The following DSE variants were observed in gnomAD, a reference collection of about 807,000 sequenced individuals.
DSE encodes dermatan-sulfate epimerase.
Under a neutral mutation model 84.4 loss-of-function variants are expected in DSE, and 36 were observed. The ratio of observed to expected loss-of-function variants is 0.43; its 90% CI spans 0.33 to 0.56. The LOEUF is 0.56. DSE is among the 20% of genes least tolerant of loss of function. The pLI is 0.06. For missense variants in DSE, 862 were observed against 1,169.6 expected, an observed-to-expected ratio of 0.74 and a Z score of 3.84; for synonymous variants, 410 against 430.1, an observed-to-expected ratio of 0.95 and a Z score of 0.58.
intron 2 of DSE, among the ~76,000 whole-genome samples, chr6:116,297,314 T>C (rs1774732632): frequency 6.6e-6 from 1 of 152,120 alleles, no homozygotes; most frequent in South Asian, 2.1e-4. Context: ...CAATTCATGT[T>C]CTACACCATC....
At chr6:116,393,290 A>G (rs1402208717) in intron 1 of DSE, among the ~76,000 whole-genome samples, 3 of 152,304 alleles carry the variant, frequency 2.0e-5, no homozygotes, top group Non-Finnish European at 2.9e-5. Flanking sequence ...TTTCCTTTCC[A>G]GTGAGTGATG....
chr6:116,284,783 C>T (rs1461375600), intron 2 of DSE, among the ~76,000 whole-genome samples: 4 of 150,866 alleles, frequency 2.7e-5, no homozygotes, highest in Non-Finnish European at 4.4e-5. Context: ...GGTTTTCTGT[C>T]CTTGCAATAG....
chr6:116,339,007 G>C (rs78046565), intron 2 of DSE, among the ~76,000 whole-genome samples: 1 of 152,230 alleles, frequency 6.6e-6, no homozygotes, highest in Non-Finnish European at 1.5e-5. Flanking sequence ...TGCGCCCTGT[G>C]CTAGAAGCTC....
chr6:116,323,585 C>G (rs1350433851), intron 2 of DSE, among the ~76,000 whole-genome samples: 1 of 152,044 alleles, frequency 6.6e-6, no homozygotes, highest in Non-Finnish European at 1.5e-5. Context: ...TTATTATGAT[C>G]TATTTTACTC....
At chr6:116,257,207 T>A (rs1208556286) in intron 1 of DSE, 1 of 152,188 alleles carries the variant, frequency 6.6e-6, no homozygotes, top group East Asian at 1.9e-4. Context: ...CTCATTTAAT[T>A]TTTACAAGGA....
intron 1 of DSE, among the ~76,000 whole-genome samples, chr6:116,387,708 A>G (rs1780655389): frequency 6.6e-6 from 1 of 152,194 alleles, no homozygotes; most frequent in Admixed American, 6.5e-5. Flanking sequence ...TTCCTCATCT[A>G]TTTCCAACAA....
chr6:116,300,445 G>C (rs7763697), intron 2 of DSE, among the ~76,000 whole-genome samples: 1 of 152,048 alleles, frequency 6.6e-6, no homozygotes, highest in Non-Finnish European at 1.5e-5. Context: ...ATTTTATCCT[G>C]CTTGTTGATA....
At chr6:116,378,698 G>A (rs531797107) in intron 1 of DSE, among the ~76,000 whole-genome samples, 3 of 152,210 alleles carry the variant, frequency 2.0e-5, no homozygotes, top group African/African-American at 7.2e-5. Context: ...TATGCATCAT[G>A]TAGTGATTGT....
At chr6:116,292,002 T>G (rs1774311161) in intron 2 of DSE, among the ~76,000 whole-genome samples, 1 of 152,058 alleles carries the variant, frequency 6.6e-6, no homozygotes, top group Admixed American at 6.6e-5. Context: ...CAAGGAGAGT[T>G]TCATGTGACT....
rs1281257030 is a variant in DSE at position 116,436,359 on chromosome 6, G to T, written c.1891G>T (p.Ala631Ser). 1 of 1,614,036 alleles carries T rather than the reference G, an allele frequency of 6.2e-7. No individual in the cohort carries two copies. Among genetic ancestry groups the T allele is most frequent in the Non-Finnish European group, 8.5e-7 (1 of 1,180,032 alleles). ...DTGYSEKATF[A>S]SVTYPRGYPY... The stretch of plus-strand genomic sequence containing the variant: ...TGGCTACAGCGAGAAAGCAACCTTT[G>T]CCTCAGTGACATATCCTCGGGGCTA... Residue 631 changes from alanine (A) to serine (S), a missense_variant, in exon 6 of 6, where the codon GCC (alanine) becomes TCC (serine). Physicochemically the swap from Ala to Ser is moderately conservative, Grantham distance 99. Coordinates refer to ENST00000644252, the MANE Select transcript of DSE (RefSeq NM_013352.4).
intron 1 of DSE, among the ~76,000 whole-genome samples, chr6:116,388,446 C>A (rs1780695394): frequency 6.6e-6 from 1 of 152,202 alleles, no homozygotes; most frequent in African/African-American, 2.4e-5. Flanking sequence ...TGACCAAATA[C>A]TTGTGTACCC....
At chr6:116,386,255 G>A (rs985321032) in intron 1 of DSE, among the ~76,000 whole-genome samples, 5 of 152,172 alleles carry the variant, frequency 3.3e-5, no homozygotes, top group African/African-American at 1.2e-4. Flanking sequence ...AAGTATTATG[G>A]CAAGCTACTC....
In DSE at chr6:116,437,154, C is replaced by T; in HGVS notation, c.2686C>T (p.Leu896=). 6.2e-7 allele frequency: 1 copy of T among 1,614,166 alleles called. No homozygotes were observed. The highest frequency in any genetic ancestry group is 8.5e-7 in the Non-Finnish European group (1 of 1,180,000). ...VTTTHSRAPS[L]SASYTRLFLI... The stretch of plus-strand genomic sequence containing the variant: ...AACTACACACAGCAGGGCCCCATCA[C>T]TGTCTGCTTCCTATACCAGGTTGTT... The change falls in exon 6 of 6, where the codon CTG becomes TTG. Residue 896 remains leucine (L), a synonymous_variant. Transcript: ENST00000644252.
chr6:116,321,939 C>T (rs945161449), intron 2 of DSE, among the ~76,000 whole-genome samples: 7 of 151,940 alleles, frequency 4.6e-5, no homozygotes, highest in Admixed American at 4.6e-4. Flanking sequence ...TGTAGCAGGA[C>T]GAGCCACAGA....
intron 2 of DSE, among the ~76,000 whole-genome samples, chr6:116,417,563 G>C (rs1383094950): frequency 1.3e-5 from 2 of 151,928 alleles, no homozygotes; most frequent in African/African-American, 4.8e-5. Flanking sequence ...TTTAATATTT[G>C]GGATATTGAA....
intron 2 of DSE, among the ~76,000 whole-genome samples, chr6:116,308,654 C>A (rs1183013739): frequency 6.6e-6 from 1 of 152,034 alleles, no homozygotes; most frequent in African/African-American, 2.4e-5. Context: ...GATAATAACA[C>A]CCATCTTTTG....
At position 116,399,206 on chromosome 6, in the gene DSE, G is replaced by A. The variant is rs537931918; in HGVS notation, c.-45G>A. 42 of 1,610,696 alleles carry A rather than the reference G, an allele frequency of 2.6e-5. No homozygotes were observed. Among genetic ancestry groups the A allele is most frequent in the East Asian group, 6.7e-5 (3 of 44,872 alleles). ...CTTTTTATCTCACGTAGGATCTTTCGAAGATGGTTTGGCTGCCTTGGAGAT... is the reference window on the plus strand; with the variant it reads ...CTTTTTATCTCACGTAGGATCTTTCAAAGATGGTTTGGCTGCCTTGGAGAT... On this transcript the variant is annotated 5_prime_UTR_variant, in exon 2 of 6. Coordinates refer to ENST00000644252, the MANE Select transcript of DSE (RefSeq NM_013352.4).
At chr6:116,256,204 C>T (rs1772135931) in intron 1 of DSE, 1 of 152,178 alleles carries the variant, frequency 6.6e-6, no homozygotes, top group Non-Finnish European at 1.5e-5. Context: ...TCTGTATAGC[C>T]CTTATGACTT....
rs1244449673 is a variant in DSE at position 116,436,544 on chromosome 6, T to C, written c.2076T>C (p.His692=). ...QLDVFIATSK[H]AYATYLWTGE... is the part of the protein sequence containing the mutation. ...ATGTGTTCATAGCCACCAGCAAACA[T>C]GCCTACGCCACATACCTGTGGACAG... The change falls in exon 6 of 6, where the codon CAT becomes CAC. Residue 692 remains histidine (H), a synonymous_variant. Transcript: ENST00000644252. The C allele has an allele frequency of 6.2e-7, 1 of 1,614,116 alleles. No individual in the cohort carries two copies. The highest frequency in any genetic ancestry group is 8.5e-7 in the Non-Finnish European group (1 of 1,180,016).
Sources: gnomAD v4.1 joint callset for allele counts (sites outside exome capture counted in the v4.1 genomes callset) on GRCh38, gnomAD v4.1.1 for gene constraint, MANE v1.5 for transcripts, NCBI Gene and HGNC (gene_info 2026-07-23, HGNC 2026-07-21) for gene names.